The following CFAP90 variants were observed in gnomAD, a reference collection of about 807,000 sequenced individuals.
CFAP90 encodes cilia- and flagella-associated protein 90.
At chr5:7,833,762 A>G in the CFAP90 span, among the ~76,000 whole-genome samples, 1 of 152,216 alleles carries the variant, frequency 6.6e-6, no homozygotes, top group Non-Finnish European at 1.5e-5. Flanking sequence ...TAAGGTTATA[A>G]TATTAAGTTG....
the CFAP90 span, among the ~76,000 whole-genome samples, chr5:7,842,242 TC>T: frequency 3.3e-5 from 5 of 150,472 alleles, no homozygotes; most frequent in South Asian, 1.1e-3. Flanking sequence ...TATTTTCTCC[TC>T]CCTTTCAGAG....
chr5:7,835,330 T>C, the CFAP90 span: 3 of 996,606 alleles, frequency 3.0e-6, no homozygotes, highest in African/African-American at 3.3e-5. Flanking sequence ...TATGCCTCTA[T>C]AAAGTTTTGT....
At chr5:7,832,081 A>G in the CFAP90 span, 1 of 1,555,182 alleles carries the variant, frequency 6.4e-7, no homozygotes. Context: ...TCGCCAGCAC[A>G]GCTCACCCGT....
the CFAP90 span, chr5:7,831,724 C>A: frequency 1.1e-6 from 1 of 928,142 alleles, no homozygotes; most frequent in East Asian, 2.5e-5. Context: ...AGAGATGCAA[C>A]ACAGGCATAG....
the CFAP90 span, among the ~76,000 whole-genome samples, chr5:7,844,459 T>C: frequency 2.6e-5 from 4 of 152,220 alleles, no homozygotes; most frequent in African/African-American, 7.2e-5. Flanking sequence ...GTTCCAACTA[T>C]GAGACAGGCA....
At chr5:7,843,470 C>A in the CFAP90 span, among the ~76,000 whole-genome samples, 2 of 152,188 alleles carry the variant, frequency 1.3e-5, no homozygotes, top group African/African-American at 4.8e-5. Flanking sequence ...ATTTTACCAT[C>A]AGACTGAAGT....
the CFAP90 span, chr5:7,851,091 T>C: frequency 8.1e-7 from 1 of 1,231,550 alleles, no homozygotes; most frequent in Non-Finnish European, 1.0e-6. Flanking sequence ...AGTCGGAGTC[T>C]GCAGGCCTCA....
chr5:7,835,388 G>A, the CFAP90 span: 9,247 of 1,561,506 alleles, frequency 5.9e-3, 471 homozygotes, highest in African/African-American at 0.11. Flanking sequence ...TTACCTCTTC[G>A]TTAACATGAA....
At chr5:7,847,083 T>C in the CFAP90 span, among the ~76,000 whole-genome samples, 1 of 152,204 alleles carries the variant, frequency 6.6e-6, no homozygotes, top group Non-Finnish European at 1.5e-5. Context: ...ATGCAGAATT[T>C]ACCCTCTTTA....
At chr5:7,850,830 AGCCGCC>A in the CFAP90 span, 1 of 825,930 alleles carries the variant, frequency 1.2e-6, no homozygotes, top group Non-Finnish European at 1.5e-6. Flanking sequence ...CCAGCCGCCC[AGCCGCC>A]CAGCCTTCCG....
the CFAP90 span, among the ~76,000 whole-genome samples, chr5:7,839,218 C>T: frequency 1.3e-5 from 2 of 152,178 alleles, no homozygotes; most frequent in African/African-American, 2.4e-5. Flanking sequence ...CTGGGTTCCT[C>T]CCACGACACA....
chr5:7,846,907 G>C, the CFAP90 span, among the ~76,000 whole-genome samples: 1 of 152,054 alleles, frequency 6.6e-6, no homozygotes, highest in East Asian at 1.9e-4. Flanking sequence ...CACCACACCT[G>C]GCAATTTTTG....
the CFAP90 span, chr5:7,830,795 T>A: frequency 6.6e-6 from 1 of 152,232 alleles, no homozygotes; most frequent in Non-Finnish European, 1.5e-5. Context: ...AGATGAGAGA[T>A]GATTTCTTCC....
the CFAP90 span, among the ~76,000 whole-genome samples, chr5:7,845,766 G>A: frequency 2.0e-5 from 3 of 151,980 alleles, no homozygotes; most frequent in African/African-American, 7.3e-5. Context: ...CTAGGGAGCC[G>A]TACAGGAGCC....
the CFAP90 span, among the ~76,000 whole-genome samples, chr5:7,838,187 C>G: frequency 1.3e-5 from 2 of 152,044 alleles, no homozygotes; most frequent in South Asian, 4.1e-4. Flanking sequence ...AAAGTAAATT[C>G]TGGATGATGA....
At chr5:7,839,997 G>A in the CFAP90 span, among the ~76,000 whole-genome samples, 114 of 151,552 alleles carry the variant, frequency 7.5e-4, no homozygotes, top group Non-Finnish European at 1.4e-3. Flanking sequence ...TTCTCGTATG[G>A]CTTGAAGCAA....
the CFAP90 span, chr5:7,850,936 C>G: frequency 2.2e-6 from 3 of 1,353,528 alleles, no homozygotes; most frequent in Non-Finnish European, 2.9e-6. Flanking sequence ...CGGGATGTAG[C>G]TGAAGGCGGA....
the CFAP90 span, among the ~76,000 whole-genome samples, chr5:7,843,460 A>T: frequency 6.6e-6 from 1 of 152,202 alleles, no homozygotes; most frequent in Non-Finnish European, 1.5e-5. Flanking sequence ...TAATCTGGAT[A>T]TTTTACCATC....
the CFAP90 span, among the ~76,000 whole-genome samples, chr5:7,837,446 T>G: frequency 6.6e-6 from 1 of 152,162 alleles, no homozygotes; most frequent in East Asian, 1.9e-4. Context: ...TGTTCCCAGA[T>G]AGTGATGCTA....
Sources: allele counts gnomAD v4.1 joint callset (sites outside exome capture counted in the v4.1 genomes callset), GRCh38; gene constraint gnomAD v4.1.1; transcripts MANE v1.5; gene names NCBI Gene and HGNC (gene_info 2026-07-23, HGNC 2026-07-21).